The following COQ3 variants were observed in gnomAD, a reference collection of about 807,000 sequenced individuals.
COQ3 encodes the protein ubiquinone biosynthesis O-methyltransferase, mitochondrial.
A neutral mutation model predicts 33.1 loss-of-function variants in COQ3; 29 were observed. The ratio of observed to expected loss-of-function variants is 0.88; its 90% confidence interval spans 0.65 to 1.19. The LOEUF is 1.19. Among genes scored for constraint, COQ3 ranks in the 50% most tolerant of loss-of-function variants. The pLI, the probability that COQ3 is intolerant of heterozygous loss-of-function variation, is 0.00. For missense variants in COQ3, 437 were observed against 430.7 expected (o/e 1.01, Z -0.13); for synonymous variants, 173 against 157.8 (o/e 1.10, Z -0.72).
In COQ3 at chr6:99,378,765, G is replaced by A. The variant is rs571769456; in HGVS notation, c.387-1280C>T. 2.0e-5 allele frequency among the ~76,000 whole-genome samples: 3 copies of A among 152,230 alleles called. No individual in the cohort carries two copies. The South Asian group carries it at 6.2e-4, about 32-fold the overall frequency. The stretch of plus-strand genomic sequence containing the variant: ...TTTTCTTTGCTTTGCTTTGTCAGTG[G>A]TATTAAAGGATGTCAGTATTTCTCT... On this transcript the variant is annotated intron_variant, in intron 3 of 6. Coordinates refer to ENST00000254759, the MANE Select transcript of COQ3 (RefSeq NM_017421.4).
intron 3 of COQ3, among the ~76,000 whole-genome samples, chr6:99,377,779 TTGAGA>T (rs1774338425): frequency 6.6e-6 from 1 of 152,086 alleles, no homozygotes; most frequent in African/African-American, 2.4e-5. Context: ...TTTCAATTGC[TTGAGA>T]TATCATGACA....
At chr6:99,378,541 A>G (rs1277247372) in intron 3 of COQ3, among the ~76,000 whole-genome samples, 1 of 152,158 alleles carries the variant, frequency 6.6e-6, no homozygotes, top group Admixed American at 6.5e-5. Flanking sequence ...GTTTGAACAG[A>G]GTAATTCCCA....
chr6:99,390,298 T>A (rs1400734724), intron 1 of COQ3, among the ~76,000 whole-genome samples: 2 of 151,808 alleles, frequency 1.3e-5, no homozygotes, highest in Non-Finnish European at 2.9e-5. Context: ...GTGTCTCTTG[T>A]TGGTTTTCCC....
At chr6:99,372,798 C>G (rs1473948789) in intron 5 of COQ3, among the ~76,000 whole-genome samples, 1 of 152,146 alleles carries the variant, frequency 6.6e-6, no homozygotes, top group African/African-American at 2.4e-5. Flanking sequence ...TGTCCCCTCT[C>G]TCTTTTAAAC....
At position 99,370,764 on chromosome 6, in the gene COQ3, AG is replaced by A. The variant is rs577192319; in HGVS notation, c.889+663del. 3.8e-4 allele frequency among the ~76,000 whole-genome samples: 58 copies of A among 152,330 alleles called. 1 individual carries two copies. The highest frequency in any genetic ancestry group is 1.3e-3 in the African/African-American group (54 of 41,580). On this transcript the variant is annotated intron_variant, in intron 6 of 6. Coordinates refer to ENST00000254759, the MANE Select transcript of COQ3 (RefSeq NM_017421.4). ...ACTGATAGACTTATATGAAAAAAAAAGCATTAGAAATATAGGAGTCTAAGTA... is the reference window on the plus strand; with the variant it reads ...ACTGATAGACTTATATGAAAAAAAAACATTAGAAATATAGGAGTCTAAGTA...
At chr6:99,379,061 C>T (rs1049307540) in intron 3 of COQ3, among the ~76,000 whole-genome samples, 17 of 150,950 alleles carry the variant, frequency 1.1e-4, no homozygotes, top group African/African-American at 4.1e-4. Context: ...CATGTGCACA[C>T]CGTGCAGGTT....
intron 3 of COQ3, among the ~76,000 whole-genome samples, chr6:99,378,393 C>G (rs1016584099): frequency 6.6e-6 from 1 of 151,868 alleles, no homozygotes; most frequent in Non-Finnish European, 1.5e-5. Context: ...GCTAAAATGA[C>G]TCCTTTACAT....
At chr6:99,386,632 T>C (rs1011455813) in intron 1 of COQ3, among the ~76,000 whole-genome samples, 8 of 152,142 alleles carry the variant, frequency 5.3e-5, no homozygotes, top group African/African-American at 1.7e-4. Context: ...ATAGCTCTGA[T>C]AGACATTAAA....
intron 1 of COQ3, among the ~76,000 whole-genome samples, chr6:99,388,796 C>T (rs1443613873): frequency 2.6e-5 from 4 of 151,788 alleles, no homozygotes; most frequent in African/African-American, 9.7e-5. Flanking sequence ...TGCAGTGAGC[C>T]AAGATCGCAC....
chr6:99,383,241 A>T (rs13206027), intron 2 of COQ3: 18,458 of 152,266 alleles, frequency 0.12, 1,622 homozygotes, highest in Non-Finnish European at 0.17. Context: ...ATTACCTTCA[A>T]TCAATTTTGC....
rs745548046 is a variant in COQ3, at chr6:99,376,078, T to C, written c.591A>G (p.Arg197=). ...HKSFDPVLDK[R]IEYRVCSLEE... ...CCAGGGAACACACTCTGTACTCTAT[T>C]CTCTTATCCAGGACTGGATCAAATG... Residue 197 remains arginine, a synonymous_variant, in exon 5 of 7, where the codon AGA becomes AGG. Transcript: ENST00000254759. 3.1e-6 allele frequency: 5 copies of C among 1,614,160 alleles called. No individual in the cohort carries two copies. Among genetic ancestry groups the C allele is most frequent in the Non-Finnish European group, 4.2e-6 (5 of 1,180,002 alleles).
At chr6:99,390,878 A>C (rs1427251984) in intron 1 of COQ3, among the ~76,000 whole-genome samples, 1 of 152,122 alleles carries the variant, frequency 6.6e-6, no homozygotes, top group Admixed American at 6.6e-5. Context: ...TCAATTTATC[A>C]TGAATGAGGT....
intron 1 of COQ3, among the ~76,000 whole-genome samples, chr6:99,386,780 T>C (rs1206402089): frequency 1.3e-5 from 2 of 152,084 alleles, no homozygotes; most frequent in African/African-American, 2.4e-5. Flanking sequence ...ACTAAAGAAA[T>C]TGGATTCATA....
chr6:99,372,637 C>G (rs190853232), intron 5 of COQ3, among the ~76,000 whole-genome samples: 1 of 152,080 alleles, frequency 6.6e-6, no homozygotes, highest in African/African-American at 2.4e-5. Flanking sequence ...AGGCTGGTCT[C>G]GAACTCCTGA....
rs1326436607 is a variant in COQ3 at position 99,371,451 on chromosome 6, G to A, written c.866C>T (p.Thr289Ile). 11 of 1,598,250 alleles carry A rather than the reference G, an allele frequency of 6.9e-6. No homozygotes were observed. The highest frequency in any genetic ancestry group is 9.4e-6 in the Non-Finnish European group (11 of 1,175,472). ...ACTTGATTCCAGAATGCTCTCTAGT[G>A]TTTCAGGTGAAACAAACTTCTCCCA... The part of the protein sequence containing the change: ...HTWEKFVSPE[T>I]LESILESNGL... The change falls in exon 6 of 7, where the codon ACA becomes ATA. Residue 289 changes from threonine (T) to isoleucine (I), a missense_variant. Transcript: ENST00000254759.
At position 99,371,545 on chromosome 6, in the gene COQ3, GTTGTGTT is replaced by G; in HGVS notation, c.765_771del (p.Lys255AsnfsTer34). On this transcript the variant is annotated frameshift_variant, in exon 6 of 7. Transcript: ENST00000254759. LOFTEE classifies it high-confidence loss of function. ...AAAACAATTCCCAAGGCATAGGAAA[GTTGTGTT>G]TTGTTGATTGTAGTAATGAATAAAG... The G allele has an allele frequency of 6.2e-7, 1 of 1,605,758 alleles. No individual in the cohort carries two copies. The highest frequency in any genetic ancestry group is 8.5e-7 in the Non-Finnish European group (1 of 1,176,096).
At chr6:99,381,566 C>A (rs1774472780) in intron 2 of COQ3, among the ~76,000 whole-genome samples, 1 of 152,166 alleles carries the variant, frequency 6.6e-6, no homozygotes, top group Non-Finnish European at 1.5e-5. Flanking sequence ...CCTTTCCTTT[C>A]CCAAACACCT....
At chr6:99,379,841 G>A (rs1050066809) in intron 3 of COQ3, among the ~76,000 whole-genome samples, 1 of 151,056 alleles carries the variant, frequency 6.6e-6, no homozygotes, top group African/African-American at 2.4e-5. Context: ...GGTGACAAGA[G>A]CAAGACTCCA....
chr6:99,376,293 A>T, intron 4 of COQ3, 111 bp from the exon 5 acceptor site: 1 of 1,122,826 alleles, frequency 8.9e-7, no homozygotes, highest in South Asian at 1.6e-5. Context: ...TAAATACTGG[A>T]CATCATTTAT....
Sources: allele counts gnomAD v4.1 joint callset (sites outside exome capture counted in the v4.1 genomes callset), GRCh38; gene constraint gnomAD v4.1.1; transcripts MANE v1.5; gene names NCBI Gene and HGNC (gene_info 2026-07-23, HGNC 2026-07-21).